SQLE: variants seen among roughly 807,000 people sequenced by gnomAD.
The protein encoded by SQLE is squalene epoxidase, also known as squalene monooxygenase.
In SQLE, 29 loss-of-function variants were observed where a neutral mutation model predicts 60.7. That is an observed-to-expected ratio of 0.48 (90% CI 0.36 to 0.65). The LOEUF is 0.65. Among genes scored for constraint, SQLE ranks in the 30% least tolerant of loss-of-function variants. The pLI is 0.00. For missense variants in SQLE, 605 were observed against 684.1 expected (o/e 0.88, Z 1.29); for synonymous variants, 237 against 246.8 (o/e 0.96, Z 0.37).
intron 1 of SQLE, among the ~76,000 whole-genome samples, chr8:125,002,311 A>G (rs1814867790): frequency 1.3e-5 from 2 of 152,254 alleles, no homozygotes; most frequent in Non-Finnish European, 1.5e-5. Context: ...TCCTTTTGTC[A>G]TATAAAAGTG....
chr8:125,004,121 A>AAT (rs1397368390), intron 2 of SQLE, among the ~76,000 whole-genome samples: 1 of 152,160 alleles, frequency 6.6e-6, no homozygotes, highest in African/African-American at 2.4e-5. Flanking sequence ...TTATGTCACT[A>AAT]ATATATATAC....
chr8:125,000,483 G>T (rs1814826610), intron 1 of SQLE, among the ~76,000 whole-genome samples: 1 of 152,254 alleles, frequency 6.6e-6, no homozygotes, highest in African/African-American at 2.4e-5. Context: ...TCGCTCTGTC[G>T]CCCGGGCTGG....
chr8:125,010,572 G>T (rs1588114160), intron 6 of SQLE, among the ~76,000 whole-genome samples: 1 of 151,934 alleles, frequency 6.6e-6, no homozygotes, highest in Non-Finnish European at 1.5e-5. Context: ...TAACAGAAAT[G>T]AAGTGAAATG....
At chr8:125,021,002 G>C in intron 10 of SQLE, 131 bp downstream of exon 10, 1 of 656,320 alleles carries the variant, frequency 1.5e-6, no homozygotes, top group Non-Finnish European at 2.7e-6. Context: ...CCAATGAGAA[G>C]GTGGCCCAAA....
chr8:125,007,229 T>C (rs1814966832), intron 3 of SQLE, among the ~76,000 whole-genome samples, 162 bp from the exon 4 acceptor site: 1 of 152,152 alleles, frequency 6.6e-6, no homozygotes, highest in South Asian at 2.1e-4. Context: ...GTAATATGTA[T>C]TAAATGTTGA....
intron 10 of SQLE, 63 bp from the exon 11 acceptor site, chr8:125,021,688 ATT>A: frequency 8.2e-7 from 1 of 1,212,942 alleles, no homozygotes; most frequent in Non-Finnish European, 1.1e-6. Context: ...ATTATATGTA[ATT>A]GGAACCTTTG....
intron 3 of SQLE, 136 bp downstream of exon 3, chr8:125,005,841 G>C: frequency 1.6e-6 from 1 of 616,526 alleles, no homozygotes. Context: ...AAAATAAACT[G>C]TCAGTCAAAA....
chr8:125,006,995 G>A (rs1814962881), intron 3 of SQLE, among the ~76,000 whole-genome samples: 1 of 152,094 alleles, frequency 6.6e-6, no homozygotes, highest in South Asian at 2.1e-4. Context: ...GAGCCACCGT[G>A]CCCTGCCAGA....
chr8:125,009,608 C>T (rs1815008304), intron 6 of SQLE, among the ~76,000 whole-genome samples: 1 of 152,028 alleles, frequency 6.6e-6, no homozygotes, highest in Non-Finnish European at 1.5e-5. Context: ...CCAGCCTGAC[C>T]AACATGGAGA....
chr8:125,007,283 A>C, intron 3 of SQLE, 108 bp from the exon 4 acceptor site: 1 of 654,938 alleles, frequency 1.5e-6, no homozygotes, highest in Non-Finnish European at 2.4e-6. Context: ...GTGTTTGCAC[A>C]CACATGCATG....
At position 125,009,351 on chromosome 8, in the gene SQLE, A is replaced by G. The variant is rs908436166; in HGVS notation, c.1108+8A>G. On this transcript the variant is annotated splice_region_variant and intron_variant, in intron 6 of 10. Transcript: ENST00000265896. ...TTTACCCACAAATACCTGGTAAGAA[A>G]TAGCATCTTCAGTTCTTACAAAGGC... 6 of 1,607,336 alleles carry G rather than the reference A, an allele frequency of 3.7e-6. No individual in the cohort carries two copies. The African/African-American group carries it at 6.7e-5, about 18-fold the overall frequency.
intron 7 of SQLE, among the ~76,000 whole-genome samples, chr8:125,014,691 A>G (rs1815084622): frequency 6.6e-6 from 1 of 152,194 alleles, no homozygotes. Context: ...CATGTGGTTT[A>G]ATTTCCATGT....
chr8:125,011,739 CT>C (rs1815042311), intron 7 of SQLE, 107 bp downstream of exon 7: 1 of 988,996 alleles, frequency 1.0e-6, no homozygotes, highest in African/African-American at 1.6e-5. Context: ...TAGTTTGTCA[CT>C]GTGGATTAGT....
chr8:124,998,812 G>C lies in SQLE; in HGVS notation c.-592G>C. The C allele has an allele frequency of 1.0e-5, 5 of 496,776 alleles. No individual in the cohort carries two copies. In the South Asian group the frequency reaches 1.3e-4, roughly 13 times the overall value. The allele number at this position is 496,776 out of a possible 1,614,324, so 30.8% of individuals were successfully genotyped here. On this transcript the variant is annotated 5_prime_UTR_variant, in exon 1 of 11. Transcript: ENST00000265896. Reference sequence around the variant, plus strand: ...TTTTGTTGGAGAAGGCGTCGGCGTTGGCGTTTTCCCGAGGTTGGGCTGTAC... The same window carrying C: ...TTTTGTTGGAGAAGGCGTCGGCGTTCGCGTTTTCCCGAGGTTGGGCTGTAC...
At position 125,022,091 on chromosome 8, in the gene SQLE, GT is replaced by G; in HGVS notation, c.*152del. On this transcript the variant is annotated 3_prime_UTR_variant, in exon 11 of 11. Coordinates refer to ENST00000265896, the MANE Select transcript of SQLE (RefSeq NM_003129.4). ...AGATTTGGATTAATTTGTTTTTGAA[GT>G]TTTTTGTATATAAATATGTAAATAC... 1 of 490,676 alleles carries G rather than the reference GT, an allele frequency of 2.0e-6. No individual in the cohort carries two copies. Among genetic ancestry groups the G allele is most frequent in the East Asian group, 3.5e-5 (1 of 28,674 alleles). The allele number at this position is 490,676 out of a possible 1,614,324, so 30.4% of individuals were successfully genotyped here.
At position 125,016,141 on chromosome 8, in the gene SQLE, A is replaced by G. The variant is rs751732101; in HGVS notation, c.1205-1918A>G. Among the ~76,000 whole-genome samples the G allele has an allele frequency of 1.3e-5, 2 of 152,028 alleles. No individual in the cohort carries two copies. Among genetic ancestry groups the G allele is most frequent in the Non-Finnish European group, 2.9e-5 (2 of 68,012 alleles). ...GTAGCTTTCTTGTGCTTGAATATTGATATCTTTCTCTAGATTTGGGAAGTT... is the reference window on the plus strand; with the variant it reads ...GTAGCTTTCTTGTGCTTGAATATTGGTATCTTTCTCTAGATTTGGGAAGTT... On this transcript the variant is annotated intron_variant, in intron 7 of 10. Coordinates refer to ENST00000265896, the MANE Select transcript of SQLE (RefSeq NM_003129.4). This position sits in a 1 kb window ranked among gnomAD's most constrained non-coding sequence, Gnocchi z 4.1.
rs749956191 is a variant in SQLE, at chr8:125,020,802, GAAA to G, written c.1465_1467del (p.Lys489del). 4 of 1,612,656 alleles carry G rather than the reference GAAA, an allele frequency of 2.5e-6. No homozygotes were observed. The highest frequency in any genetic ancestry group is 3.4e-6 in the Non-Finnish European group (4 of 1,178,978). Reference sequence around the variant, plus strand: ...ATTTTAGATTCCCTGCATCAACTAAGAAAAGCCTGTTTTCTTTATTTCAAACTT... The same window carrying G: ...ATTTTAGATTCCCTGCATCAACTAAGAGCCTGTTTTCTTTATTTCAAACTT... On this transcript the variant is annotated inframe_deletion, in exon 10 of 11. Transcript: ENST00000265896.
At chr8:125,021,644 T>C (rs1815207071) in intron 10 of SQLE, 109 bp from the exon 11 acceptor site, 2 of 747,206 alleles carry the variant, frequency 2.7e-6, no homozygotes, top group Admixed American at 3.1e-5. Flanking sequence ...GATGCTTGGG[T>C]AAAAAAAAGT....
At position 125,012,302 on chromosome 8, in the gene SQLE, T is replaced by C. The variant is rs147956752; in HGVS notation, c.1204+670T>C. 1.7e-3 allele frequency among the ~76,000 whole-genome samples: 253 copies of C among 152,346 alleles called. 1 individual carries two copies. The highest frequency in any genetic ancestry group is 5.9e-3 in the African/African-American group (245 of 41,580). On this transcript the variant is annotated intron_variant, in intron 7 of 10. Transcript: ENST00000265896. Reference sequence around the variant, plus strand: ...CACAAATCAGTTTGCCCATTTAAAGTGTACAGTACAGTGACTTTTTTAGTA... The same window carrying C: ...CACAAATCAGTTTGCCCATTTAAAGCGTACAGTACAGTGACTTTTTTAGTA...
Sources: gnomAD v4.1 joint callset for allele counts (sites outside exome capture counted in the v4.1 genomes callset) on GRCh38, gnomAD v4.1.1 for gene constraint, Gnocchi (gnomAD v3.1) non-coding constraint, MANE v1.5 for transcripts, NCBI Gene and HGNC (gene_info 2026-07-23, HGNC 2026-07-21) for gene names.